The following PARN variants were observed in gnomAD, a reference collection of about 807,000 sequenced individuals.
PARN encodes poly(A)-specific ribonuclease PARN.
In PARN, 71 loss-of-function variants were observed where a neutral mutation model predicts 102.8. The observed-to-expected ratio is 0.69, with a 90% confidence interval of 0.57 to 0.84. The LOEUF (loss-of-function observed/expected upper bound fraction) is 0.84, where lower values mean the gene tolerates loss of function less well. Among genes scored for constraint, PARN ranks in the 40% least tolerant of loss-of-function variants. PARN has a pLI of 0.00. For synonymous variants in PARN, 261 were observed against 252.9 expected (o/e 1.03, Z -0.30); for missense variants, 782 against 760.9 (o/e 1.03, Z -0.33).
rs71150194 is a variant in PARN at position 14,599,037 on chromosome 16, C to CTTTT, written c.840+863_840+866dup. On this transcript the variant is annotated intron_variant, in intron 12 of 23. Transcript: ENST00000437198. ...GGATGCCTGTTTTCTTTCTCCTCTT[C>CTTTT]TTTTTTTTTTTTTTTTTTTTTTTTG... 2.6e-3 allele frequency among the ~76,000 whole-genome samples: 211 copies of CTTTT among 81,390 alleles called. 1 individual carries two copies. Among genetic ancestry groups the CTTTT allele is most frequent in the Non-Finnish European group, 3.4e-3 (148 of 43,516 alleles). The allele number at this position is 81,390 out of a possible 152,430, so 53.4% of individuals were successfully genotyped here.
intron 13 of PARN, among the ~76,000 whole-genome samples, chr16:14,592,843 T>G (rs1423055514): frequency 6.6e-6 from 1 of 152,082 alleles, no homozygotes; most frequent in Non-Finnish European, 1.5e-5. Flanking sequence ...GATCCCTTAA[T>G]AAAAAAGTTT....
chr16:14,622,591 G>T (rs906226202), intron 5 of PARN, among the ~76,000 whole-genome samples: 4 of 152,238 alleles, frequency 2.6e-5, no homozygotes, highest in Admixed American at 2.6e-4. Context: ...TGCAAGCTCT[G>T]CCTCTCGGGT....
intron 18 of PARN, 30 bp downstream of exon 18, chr16:14,580,844 C>T: frequency 1.4e-6 from 2 of 1,400,444 alleles, no homozygotes; most frequent in Non-Finnish European, 2.0e-6. Flanking sequence ...AGTGAGAGAA[C>T]TTGGAAACTG....
chr16:14,627,248 A>G, intron 4 of PARN, 21 bp downstream of exon 4: 1 of 1,586,426 alleles, frequency 6.3e-7, no homozygotes, highest in Non-Finnish European at 8.6e-7. Context: ...GGAATTCCCA[A>G]CGTTTGTTAA....
intron 6 of PARN, among the ~76,000 whole-genome samples, chr16:14,611,536 C>A (rs541444647): frequency 5.9e-5 from 9 of 152,162 alleles, no homozygotes; most frequent in African/African-American, 2.2e-4. Context: ...GGTCAGCAAA[C>A]TTTTTCTTTG....
chr16:14,587,940 A>C (rs1460223470), intron 13 of PARN, among the ~76,000 whole-genome samples: 3 of 152,252 alleles, frequency 2.0e-5, no homozygotes, highest in African/African-American at 7.2e-5. Context: ...GCTTACACGC[A>C]ATGTGTTATG....
At chr16:14,590,234 C>CA (rs11302769) in intron 13 of PARN, among the ~76,000 whole-genome samples, 1,347 of 45,792 alleles carry the variant, frequency 0.029, 20 homozygotes, top group African/African-American at 0.051. Context: ...GACTCCATCT[C>CA]AAAAAAAAAA....
intron 5 of PARN, among the ~76,000 whole-genome samples, chr16:14,625,475 C>G (rs771700073): frequency 1.8e-4 from 28 of 151,874 alleles, no homozygotes; most frequent in Non-Finnish European, 2.6e-4. Context: ...CTAGCCTGGA[C>G]AAGAAGAGCG....
At chr16:14,534,928 G>A (rs544938844) in intron 21 of PARN, among the ~76,000 whole-genome samples, 5 of 150,378 alleles carry the variant, frequency 3.3e-5, no homozygotes, top group South Asian at 4.2e-4. Context: ...TCCACCTCCC[G>A]GGTCCAAGCG....
At chr16:14,630,070 G>C (rs541255358) in intron 1 of PARN, 37 bp downstream of exon 1, 1 of 1,540,832 alleles carries the variant, frequency 6.5e-7, no homozygotes, top group East Asian at 2.4e-5. Flanking sequence ...GGGCAGCCGG[G>C]TGTGGGGAGG....
chr16:14,451,052 T>G (rs1340909179), intron 22 of PARN, among the ~76,000 whole-genome samples: 1 of 152,214 alleles, frequency 6.6e-6, no homozygotes. Flanking sequence ...TGGGTCCCAA[T>G]CTGCTTTCCT....
intron 22 of PARN, among the ~76,000 whole-genome samples, chr16:14,450,815 T>C (rs1297609774): frequency 6.6e-6 from 1 of 151,758 alleles, no homozygotes. Flanking sequence ...CACAGGGAAA[T>C]AGGAACTAGC....
chr16:14,592,997 G>C (rs552698722), intron 13 of PARN, among the ~76,000 whole-genome samples: 3 of 152,034 alleles, frequency 2.0e-5, no homozygotes, highest in African/African-American at 7.2e-5. Flanking sequence ...GTAGCTGGGC[G>C]TGGTGACGGG....
chr16:14,538,804 T>C (rs1359836374), intron 21 of PARN, among the ~76,000 whole-genome samples: 1 of 152,162 alleles, frequency 6.6e-6, no homozygotes, highest in African/African-American at 2.4e-5. Context: ...CATCTGTTTT[T>C]ACAGCCACTC....
intron 21 of PARN, among the ~76,000 whole-genome samples, chr16:14,548,064 G>A (rs1477154254): frequency 1.3e-5 from 2 of 152,008 alleles, no homozygotes; most frequent in Non-Finnish European, 2.9e-5. Context: ...CTAACACGGT[G>A]AAACCCTGTC....
At chr16:14,459,099 G>A (rs761396068) in intron 22 of PARN, among the ~76,000 whole-genome samples, 2 of 152,170 alleles carry the variant, frequency 1.3e-5, no homozygotes, top group African/African-American at 4.8e-5. Flanking sequence ...TTCCTCCTAA[G>A]ATCAGGAATA....
intron 22 of PARN, among the ~76,000 whole-genome samples, chr16:14,466,464 T>A (rs954414176): frequency 6.6e-6 from 1 of 152,224 alleles, no homozygotes; most frequent in African/African-American, 2.4e-5. Context: ...TTTGGCTTTA[T>A]GACCTTGAAT....
At chr16:14,445,075 G>T (rs2151554575) in intron 23 of PARN, among the ~76,000 whole-genome samples, 1 of 133,774 alleles carries the variant, frequency 7.5e-6, no homozygotes, top group South Asian at 2.3e-4. Context: ...TCATCCTCCT[G>T]CTTCAGCTTC....
At chr16:14,573,176 C>G (rs140815330) in intron 18 of PARN, among the ~76,000 whole-genome samples, 4 of 152,272 alleles carry the variant, frequency 2.6e-5, no homozygotes, top group Non-Finnish European at 4.4e-5. Context: ...CCACCATGCC[C>G]AACCTTATTT....
Sources: allele counts gnomAD v4.1 joint callset (sites outside exome capture counted in the v4.1 genomes callset), GRCh38; gene constraint gnomAD v4.1.1; transcripts MANE v1.5; gene names NCBI Gene and HGNC (gene_info 2026-07-23, HGNC 2026-07-21).